TCF7L2: variants seen among roughly 807,000 people sequenced by gnomAD.
TCF7L2 encodes transcription factor 7-like 2.
In TCF7L2, 23 loss-of-function variants were observed where a neutral mutation model predicts 77.9. The ratio of observed to expected loss-of-function variants is 0.30; its 90% CI spans 0.21 to 0.42. The LOEUF is 0.42. TCF7L2 is among the 10% of genes least tolerant of loss of function. The pLI is 1.00. For missense variants in TCF7L2, 654 were observed against 793.1 expected (o/e 0.82, Z 2.11); for synonymous variants, 413 against 340.2 (o/e 1.21, Z -2.36).
intron 4 of TCF7L2, among the ~76,000 whole-genome samples, chr10:112,967,031 A>G (rs2037096828): frequency 7.1e-6 from 1 of 140,992 alleles, no homozygotes; most frequent in African/African-American, 3.0e-5. Context: ...TTTTAGTTTG[A>G]TCCTCAAAGG....
chr10:112,951,244 G>A lies in TCF7L2; in HGVS notation c.227G>A (p.Arg76Gln), dbSNP rs753922738. 4 of 1,572,670 alleles carry A rather than the reference G, an allele frequency of 2.5e-6. No homozygotes were observed. The highest frequency in any genetic ancestry group is 2.3e-5 in the South Asian group (2 of 87,146). The change falls in exon 2 of 14, where the codon CGA (arginine) becomes CAA (glutamine). Residue 76 changes from arginine to glutamine, a missense_variant. By Grantham distance (43) the Arg-to-Gln change is conservative. Coordinates refer to ENST00000627217, the MANE Select transcript of TCF7L2 (RefSeq NM_001146274.2). Reference sequence around the variant, plus strand: ...CCTCCGCCTCGCTCCGAAAGTTTCCGAGACAAATCCCGGGAAAGTTTGGAA... The same window carrying A: ...CCTCCGCCTCGCTCCGAAAGTTTCCAAGACAAATCCCGGGAAAGTTTGGAA...
At position 113,156,859 on chromosome 10, in the gene TCF7L2, CAA is replaced by C. The variant is rs377305985; in HGVS notation, c.1270-1160_1270-1159del. The stretch of plus-strand genomic sequence containing the variant: ...CCACTTGCTAGATGTGTGACCCTGG[CAA>C]AGTTACCTAACTCGTCAGTTTTCTC... On this transcript the variant is annotated intron_variant, in intron 11 of 13. Coordinates refer to ENST00000627217, the MANE Select transcript of TCF7L2 (RefSeq NM_001146274.2). Among the ~76,000 whole-genome samples the C allele has an allele frequency of 1.1e-3, 168 of 152,332 alleles. 3 individuals are homozygous for C. In the South Asian group the frequency reaches 0.033, roughly 30 times the overall value.
intron 3 of TCF7L2, among the ~76,000 whole-genome samples, chr10:112,964,072 G>A (rs2035940075): frequency 1.3e-5 from 2 of 152,110 alleles, no homozygotes; most frequent in African/African-American, 4.8e-5. Context: ...TTGGAGAGTT[G>A]GGGCCCAGTT....
intron 4 of TCF7L2, among the ~76,000 whole-genome samples, chr10:113,026,176 G>A (rs1488699652): frequency 1.3e-5 from 2 of 149,714 alleles, no homozygotes; most frequent in Non-Finnish European, 3.0e-5. Context: ...ACTGCGCCTG[G>A]CCTACCCCCT....
chr10:113,129,858 G>A (rs979337821), intron 5 of TCF7L2: 1 of 1,289,720 alleles, frequency 7.8e-7, no homozygotes, highest in African/African-American at 1.5e-5. Flanking sequence ...GGAAAACCAA[G>A]GCTGTTATGT....
intron 13 of TCF7L2, among the ~76,000 whole-genome samples, chr10:113,162,007 T>C (rs73362226): frequency 8.9e-4 from 136 of 152,348 alleles, no homozygotes; most frequent in African/African-American, 2.9e-3. Context: ...CCTGGGGTCT[T>C]CTCTGCACAA....
At chr10:113,068,874 A>G (rs948451956) in intron 5 of TCF7L2, among the ~76,000 whole-genome samples, 4 of 146,838 alleles carry the variant, frequency 2.7e-5, no homozygotes, top group Non-Finnish European at 6.0e-5. Flanking sequence ...TCCTCCTTAC[A>G]TCCCTTTACC....
At chr10:112,989,783 G>A (rs1280598972) in intron 4 of TCF7L2, among the ~76,000 whole-genome samples, 1 of 152,202 alleles carries the variant, frequency 6.6e-6, no homozygotes, top group Non-Finnish European at 1.5e-5. Context: ...TAGATGAAAT[G>A]TTGAGATTTA....
At chr10:113,041,355 C>CT (rs926727692) in intron 5 of TCF7L2, among the ~76,000 whole-genome samples, 1 of 152,154 alleles carries the variant, frequency 6.6e-6, no homozygotes, top group African/African-American at 2.4e-5. Flanking sequence ...ACATCTGCTC[C>CT]TATAAGGTCA....
chr10:113,007,365 C>G (rs1179682419), intron 4 of TCF7L2, among the ~76,000 whole-genome samples: 2 of 152,252 alleles, frequency 1.3e-5, no homozygotes, highest in East Asian at 3.8e-4. Context: ...CTGGAGCTGG[C>G]TCCCTTTCCT....
intron 4 of TCF7L2, among the ~76,000 whole-genome samples, chr10:113,008,207 C>T (rs749091903): frequency 2.6e-5 from 4 of 152,182 alleles, no homozygotes; most frequent in Non-Finnish European, 5.9e-5. Context: ...TTTTCAAACC[C>T]ATTTTGGCCC....
At chr10:113,051,902 C>T (rs1261268410) in intron 5 of TCF7L2, among the ~76,000 whole-genome samples, 1 of 152,104 alleles carries the variant, frequency 6.6e-6, no homozygotes, top group Non-Finnish European at 1.5e-5. Flanking sequence ...TGAAATACTG[C>T]CCTTTTAGTT....
At chr10:113,155,596 A>C (rs560498807) in intron 11 of TCF7L2, among the ~76,000 whole-genome samples, 1 of 152,284 alleles carries the variant, frequency 6.6e-6, no homozygotes, top group Non-Finnish European at 1.5e-5. Flanking sequence ...GTGTAGAGGA[A>C]TTTTCAGATG....
chr10:113,100,197 A>T (rs2061480673), intron 5 of TCF7L2, among the ~76,000 whole-genome samples: 1 of 152,202 alleles, frequency 6.6e-6, no homozygotes, highest in South Asian at 2.1e-4. Context: ...ACACACTATA[A>T]ACAAAGCATC....
chr10:113,022,000 T>A (rs896435906), intron 4 of TCF7L2, among the ~76,000 whole-genome samples: 1 of 152,194 alleles, frequency 6.6e-6, no homozygotes, highest in Admixed American at 6.5e-5. Flanking sequence ...CTTTAGGCAA[T>A]CTTTTAACAG....
At chr10:113,117,384 T>TTGAAGGGA (rs1564916101) in intron 5 of TCF7L2, among the ~76,000 whole-genome samples, 1 of 29,684 alleles carries the variant, frequency 3.4e-5, no homozygotes, top group East Asian at 6.8e-4. Context: ...TCTCTCTCTC[T>TTGAAGGGA]CTCTCTCTCT....
At position 112,964,547 on chromosome 10, in the gene TCF7L2, T is replaced by A; in HGVS notation, c.382-9T>A. The A allele has an allele frequency of 6.2e-7, 1 of 1,613,152 alleles. No individual in the cohort carries two copies. Among genetic ancestry groups the A allele is most frequent in the Non-Finnish European group, 8.5e-7 (1 of 1,179,296 alleles). On this transcript the variant is annotated splice_polypyrimidine_tract_variant and intron_variant, in intron 3 of 13. Transcript: ENST00000627217. ...AAGCAGAACGCTTTGATTTGGTTTCTTTCTACAGCTCCATTTTCAGTCCGG... is the reference window on the plus strand; with the variant it reads ...AAGCAGAACGCTTTGATTTGGTTTCATTCTACAGCTCCATTTTCAGTCCGG...
chr10:113,086,445 A>G (rs936655906), intron 5 of TCF7L2, among the ~76,000 whole-genome samples: 4 of 151,986 alleles, frequency 2.6e-5, no homozygotes, highest in Non-Finnish European at 5.9e-5. Flanking sequence ...GGCTTATTCA[A>G]GTCCAGAGAG....
intron 3 of TCF7L2, among the ~76,000 whole-genome samples, chr10:112,956,810 G>A (rs1444312036): frequency 6.6e-6 from 1 of 152,134 alleles, no homozygotes; most frequent in African/African-American, 2.4e-5. Context: ...TTGACGCCAC[G>A]TTGGCCTTAT....
Sources: gnomAD v4.1 joint callset for allele counts (sites outside exome capture counted in the v4.1 genomes callset) on GRCh38, gnomAD v4.1.1 for gene constraint, MANE v1.5 for transcripts, NCBI Gene and HGNC (gene_info 2026-07-23, HGNC 2026-07-21) for gene names.